The following CCDC171 variants were observed in gnomAD, a reference collection of about 807,000 sequenced individuals.
CCDC171 encodes the protein coiled-coil domain-containing protein 171.
CCDC171 carries 177 observed loss-of-function variants against 168.2 expected under a neutral mutation model. The ratio of observed to expected loss-of-function variants is 1.05; its 90% confidence interval spans 0.93 to 1.19. CCDC171 has a LOEUF of 1.19. Among genes scored for constraint, CCDC171 ranks in the 50% most tolerant of loss-of-function variants. CCDC171 has a pLI of 0.00. For synonymous variants in CCDC171, 687 were observed against 540.8 expected, an observed-to-expected ratio of 1.27 and a Z score of -3.75; for missense variants, 1,991 against 1,539.0, an observed-to-expected ratio of 1.29 and a Z score of -4.91.
chr9:15,623,426 AT>A lies in CCDC171; in HGVS notation c.822+15del. 2 of 1,565,400 alleles carry A rather than the reference AT, an allele frequency of 1.3e-6. No homozygotes were observed. Among genetic ancestry groups the A allele is most frequent in the Non-Finnish European group, 1.7e-6 (2 of 1,150,496 alleles). On this transcript the variant is annotated intron_variant, in intron 7 of 25. Coordinates refer to ENST00000380701, the MANE Select transcript of CCDC171 (RefSeq NM_173550.4). ...AAAAGAATTTGAGGTACATTTTCTC[AT>A]TCCTTTATAATATATATGCGTACAA...
intron 6 of CCDC171, among the ~76,000 whole-genome samples, chr9:15,621,524 G>A (rs1190151416): frequency 6.6e-6 from 1 of 152,108 alleles, no homozygotes; most frequent in African/African-American, 2.4e-5. Flanking sequence ...TATATAGCCT[G>A]CTATAGAATA....
chr9:16,014,233 A>C (rs1233421741), intron 3 of CCDC171, among the ~76,000 whole-genome samples: 5 of 152,218 alleles, frequency 3.3e-5, no homozygotes, highest in Admixed American at 3.3e-4. Flanking sequence ...ATTTCAAGAA[A>C]CCATTCTTCG....
At chr9:15,734,735 C>T (rs1469961995) in intron 16 of CCDC171, among the ~76,000 whole-genome samples, 1 of 151,918 alleles carries the variant, frequency 6.6e-6, no homozygotes. Flanking sequence ...ATGATTAATT[C>T]TATATCTTTT....
chr9:15,925,932 CA>C (rs35331804), intron 25 of CCDC171, among the ~76,000 whole-genome samples: 48,109 of 151,254 alleles, frequency 0.32, 9,425 homozygotes, highest in East Asian at 0.62. Context: ...CTGTATTTAA[CA>C]ATATAGAAAT....
At chr9:15,556,832 T>A (rs1242284117) in intron 1 of CCDC171, among the ~76,000 whole-genome samples, 1 of 152,104 alleles carries the variant, frequency 6.6e-6, no homozygotes, top group Non-Finnish European at 1.5e-5. Context: ...ATGTCCTGAA[T>A]GGTATTGCCT....
At chr9:15,860,309 G>T (rs2061506634) in intron 23 of CCDC171, among the ~76,000 whole-genome samples, 1 of 149,582 alleles carries the variant, frequency 6.7e-6, no homozygotes, top group African/African-American at 2.5e-5. Context: ...TGCTAATTTT[G>T]GGTTTAGTTT....
chr9:15,725,357 G>C (rs2053731159), intron 14 of CCDC171, among the ~76,000 whole-genome samples: 1 of 152,160 alleles, frequency 6.6e-6, no homozygotes, highest in African/African-American at 2.4e-5. Context: ...TAATCAGATA[G>C]ACCTGAACTT....
At chr9:15,611,092 T>A (rs1292589030) in intron 6 of CCDC171, among the ~76,000 whole-genome samples, 1 of 152,056 alleles carries the variant, frequency 6.6e-6, no homozygotes, top group African/African-American at 2.4e-5. Flanking sequence ...CTCCACGAGA[T>A]CTGGTCATTT....
chr9:16,023,359 A>G (rs1333703197), intron 6 of CCDC171, among the ~76,000 whole-genome samples: 3 of 152,248 alleles, frequency 2.0e-5, no homozygotes, highest in Non-Finnish European at 4.4e-5. Flanking sequence ...GGAATAAAGA[A>G]TTTTTCTCAA....
chr9:15,894,345 G>C (rs1360218913), intron 24 of CCDC171, among the ~76,000 whole-genome samples: 2 of 151,984 alleles, frequency 1.3e-5, no homozygotes, highest in Non-Finnish European at 2.9e-5. Flanking sequence ...CCTAGGTGAT[G>C]GGATGATCTG....
chr9:15,621,955 A>G (rs2044544335), intron 6 of CCDC171, among the ~76,000 whole-genome samples: 1 of 152,264 alleles, frequency 6.6e-6, no homozygotes, highest in African/African-American at 2.4e-5. Context: ...CAGCCATAAA[A>G]AAGAATGAGG....
At chr9:16,009,913 C>A (rs10810512) in intron 3 of CCDC171, among the ~76,000 whole-genome samples, 1 of 152,028 alleles carries the variant, frequency 6.6e-6, no homozygotes, top group Admixed American at 6.6e-5. Flanking sequence ...GCATTACAGG[C>A]GAATTGAATG....
At chr9:15,924,498 T>C (rs549089719) in intron 25 of CCDC171, among the ~76,000 whole-genome samples, 1 of 151,306 alleles carries the variant, frequency 6.6e-6, no homozygotes, top group East Asian at 1.9e-4. Flanking sequence ...AGAAAGTCAT[T>C]GGATTATACC....
At chr9:15,729,433 C>T (rs2054017970) in intron 15 of CCDC171, among the ~76,000 whole-genome samples, 177 bp from the exon 16 acceptor site, 2 of 152,070 alleles carry the variant, frequency 1.3e-5, no homozygotes, top group African/African-American at 4.8e-5. Flanking sequence ...TAACGTGTGG[C>T]AGTTTACACT....
chr9:15,719,897 G>C (rs1053085590), intron 11 of CCDC171, among the ~76,000 whole-genome samples: 8 of 152,074 alleles, frequency 5.3e-5, no homozygotes, highest in Admixed American at 5.2e-4. Flanking sequence ...TTGTGCAAGA[G>C]AGGAGTTTAA....
intron 13 of CCDC171, 125 bp downstream of exon 13, chr9:15,723,871 G>T: frequency 4.6e-6 from 2 of 437,666 alleles, no homozygotes; most frequent in South Asian, 7.5e-5. Context: ...AGTATGTATG[G>T]GTAGAATTTT....
intron 11 of CCDC171, among the ~76,000 whole-genome samples, chr9:15,701,577 A>ACTTT (rs2051741462): frequency 1.6e-5 from 2 of 122,104 alleles, no homozygotes; most frequent in African/African-American, 6.1e-5. Flanking sequence ...GTACAATTCC[A>ACTTT]TTTTTTTTTT....
intron 6 of CCDC171, among the ~76,000 whole-genome samples, chr9:15,600,200 G>T (rs1348493441): frequency 6.6e-6 from 1 of 152,294 alleles, no homozygotes; most frequent in Non-Finnish European, 1.5e-5. Context: ...TCCTTTAGAG[G>T]GGGAGAGGCA....
At chr9:15,776,942 C>A (rs1373139896) in intron 18 of CCDC171, among the ~76,000 whole-genome samples, 1 of 152,140 alleles carries the variant, frequency 6.6e-6, no homozygotes, top group Non-Finnish European at 1.5e-5. Flanking sequence ...TAAGACCTAC[C>A]TAGCAGAGGG....
Sources: allele counts gnomAD v4.1 joint callset (sites outside exome capture counted in the v4.1 genomes callset), GRCh38; gene constraint gnomAD v4.1.1; transcripts MANE v1.5; gene names NCBI Gene and HGNC (gene_info 2026-07-23, HGNC 2026-07-21).